NR6A1: variants seen among roughly 807,000 people sequenced by gnomAD.
The protein encoded by NR6A1 is retinoic acid receptor-related testis-associated receptor.
Under a neutral mutation model 59.1 loss-of-function variants are expected in NR6A1, and 7 were observed. The ratio of observed to expected loss-of-function variants is 0.12; its 90% CI spans 0.07 to 0.22. NR6A1 has a LOEUF of 0.22. Among genes scored for constraint, NR6A1 ranks in the 10% least tolerant of loss-of-function variants. The pLI, the probability that NR6A1 is intolerant of heterozygous loss-of-function variation, is 1.00. For synonymous variants in NR6A1, 243 were observed against 236.1 expected, an observed-to-expected ratio of 1.03 and a Z score of -0.27; for missense variants, 468 against 611.6, an observed-to-expected ratio of 0.77 and a Z score of 2.48.
intron 2 of NR6A1, among the ~76,000 whole-genome samples, chr9:124,686,816 G>A (rs1045637916): frequency 1.3e-5 from 2 of 150,652 alleles, no homozygotes; most frequent in Non-Finnish European, 2.9e-5. Context: ...TGATCCTCCT[G>A]CCTCAGCCTC....
chr9:124,753,629 T>C (rs1840563872), intron 1 of NR6A1, among the ~76,000 whole-genome samples: 1 of 152,174 alleles, frequency 6.6e-6, no homozygotes, highest in South Asian at 2.1e-4. Context: ...ATGGAAAGGA[T>C]TACATGAGTT....
At chr9:124,575,247 G>T (rs1340951690) in intron 2 of NR6A1, among the ~76,000 whole-genome samples, 1 of 152,166 alleles carries the variant, frequency 6.6e-6, no homozygotes, top group South Asian at 2.1e-4. Flanking sequence ...GTGATTAAGA[G>T]CGTGGGCTGT....
intron 2 of NR6A1, among the ~76,000 whole-genome samples, chr9:124,648,670 G>T (rs1837006457): frequency 6.6e-6 from 1 of 150,694 alleles, no homozygotes; most frequent in South Asian, 2.1e-4. Flanking sequence ...CTTGTTTGCA[G>T]ACATGATCTT....
chr9:124,576,538 T>G (rs1235536395), intron 2 of NR6A1, among the ~76,000 whole-genome samples: 2 of 152,106 alleles, frequency 1.3e-5, no homozygotes, highest in South Asian at 2.1e-4. Context: ...CTGCCCACCT[T>G]GGCCTCCCAA....
intron 2 of NR6A1, among the ~76,000 whole-genome samples, chr9:124,586,182 C>G (rs1190433830): frequency 6.6e-6 from 1 of 152,078 alleles, no homozygotes; most frequent in African/African-American, 2.4e-5. Flanking sequence ...GATAGTGATT[C>G]CTCTGATGGA....
intron 2 of NR6A1, among the ~76,000 whole-genome samples, chr9:124,558,772 G>C (rs1291990506): frequency 6.6e-6 from 1 of 151,738 alleles, no homozygotes; most frequent in African/African-American, 2.4e-5. Flanking sequence ...GCCACAGCAA[G>C]GTAAATCTAC....
intron 2 of NR6A1, chr9:124,599,125 TCA>T (rs1835371685): frequency 9.0e-6 from 6 of 669,516 alleles, no homozygotes; most frequent in Non-Finnish European, 1.7e-5. Flanking sequence ...CTGCGGCAAA[TCA>T]CAGTTTCGCC....
At chr9:124,600,768 C>A (rs1358654566) in intron 2 of NR6A1, among the ~76,000 whole-genome samples, 1 of 152,122 alleles carries the variant, frequency 6.6e-6, no homozygotes, top group African/African-American at 2.4e-5. Context: ...AGAAGCAATT[C>A]ATTAGAACAG....
At chr9:124,764,427 G>A (rs1840872831) in intron 1 of NR6A1, among the ~76,000 whole-genome samples, 1 of 152,114 alleles carries the variant, frequency 6.6e-6, no homozygotes, top group Non-Finnish European at 1.5e-5. Flanking sequence ...ACAATGATGG[G>A]TTGGAAGAGC....
chr9:124,679,672 T>C (rs1838071643), intron 2 of NR6A1, among the ~76,000 whole-genome samples: 1 of 151,914 alleles, frequency 6.6e-6, no homozygotes, highest in African/African-American at 2.4e-5. Context: ...AGTGGATCAC[T>C]TGAGGTCAGG....
intron 2 of NR6A1, among the ~76,000 whole-genome samples, chr9:124,667,870 A>G (rs1178151257): frequency 2.0e-5 from 3 of 152,162 alleles, no homozygotes; most frequent in African/African-American, 7.2e-5. Context: ...TTTAATCATA[A>G]CTTTTTAAGT....
intron 2 of NR6A1, among the ~76,000 whole-genome samples, chr9:124,600,170 C>A (rs1835406005): frequency 6.6e-6 from 1 of 152,180 alleles, no homozygotes; most frequent in Non-Finnish European, 1.5e-5. Flanking sequence ...GTTTCAAATT[C>A]CTTTTTAAAC....
intron 1 of NR6A1, among the ~76,000 whole-genome samples, chr9:124,754,630 G>A (rs1049745968): frequency 1.3e-5 from 2 of 152,130 alleles, no homozygotes; most frequent in African/African-American, 2.4e-5. Flanking sequence ...TAAGAAAAAC[G>A]AGATGAACAA....
At chr9:124,574,428 TTATC>T (rs1222796337) in intron 2 of NR6A1, among the ~76,000 whole-genome samples, 1 of 152,220 alleles carries the variant, frequency 6.6e-6, no homozygotes, top group Admixed American at 6.5e-5. Flanking sequence ...TTTAACTCCT[TTATC>T]TAATTTCATA....
In NR6A1 at chr9:124,520,741, T is replaced by A. The variant is rs1285374223; in HGVS notation, c.*1964A>T. The stretch of plus-strand genomic sequence containing the variant: ...ATGTGATCTAGTTGGTTAAATAAAA[T>A]TCAGGGGAACAAGTATCGTGAACTT... On this transcript the variant is annotated 3_prime_UTR_variant, in exon 10 of 10. Coordinates refer to ENST00000487099, the MANE Select transcript of NR6A1 (RefSeq NM_033334.4). 2 of 152,112 alleles carry A rather than the reference T, an allele frequency of 1.3e-5. No individual in the cohort carries two copies. Among genetic ancestry groups the A allele is most frequent in the African/African-American group, 4.8e-5 (2 of 41,428 alleles). The allele number at this position is 152,112 out of a possible 1,614,324, so 9.4% of individuals were successfully genotyped here. A position where few individuals can be genotyped will look rare whatever the true frequency, so the allele number is the denominator to read the frequency against.
intron 2 of NR6A1, among the ~76,000 whole-genome samples, chr9:124,720,119 C>T (rs929328801): frequency 1.3e-5 from 2 of 152,214 alleles, no homozygotes; most frequent in Admixed American, 1.3e-4. Context: ...GCAATCTCAG[C>T]TCACTGCGGC....
At chr9:124,637,799 C>T (rs1451399159) in intron 2 of NR6A1, among the ~76,000 whole-genome samples, 3 of 144,760 alleles carry the variant, frequency 2.1e-5, no homozygotes, top group Admixed American at 7.3e-5. Context: ...GGCTGAGGCA[C>T]GATAATTGCT....
chr9:124,713,085 T>C (rs1405185359), intron 2 of NR6A1, among the ~76,000 whole-genome samples: 2 of 152,110 alleles, frequency 1.3e-5, no homozygotes, highest in Non-Finnish European at 1.5e-5. Flanking sequence ...TGGAATAAAA[T>C]AGGGAGCCCA....
At chr9:124,556,357 G>A (rs1030815961) in intron 2 of NR6A1, among the ~76,000 whole-genome samples, 5 of 152,114 alleles carry the variant, frequency 3.3e-5, no homozygotes, top group Admixed American at 2.6e-4. Context: ...AAGGAATGAC[G>A]GCAGTCACCA....
Sources: gnomAD v4.1 joint callset for allele counts (sites outside exome capture counted in the v4.1 genomes callset) on GRCh38, gnomAD v4.1.1 for gene constraint, MANE v1.5 for transcripts, NCBI Gene and HGNC (gene_info 2026-07-23, HGNC 2026-07-21) for gene names.